Variants in NRXN1 observed in about 807,000 individuals in gnomAD.
NRXN1 encodes the protein neurexin 1.
A neutral mutation model predicts 150.9 loss-of-function variants in NRXN1; 39 were observed. That is an observed-to-expected ratio of 0.26 (90% CI 0.20 to 0.34). NRXN1 has a LOEUF of 0.34. NRXN1 is among the 10% of genes least tolerant of loss of function. The pLI, the probability that NRXN1 is intolerant of heterozygous loss-of-function variation, is 1.00. For missense variants in NRXN1, 1,815 were observed against 1,949.9 expected (o/e 0.93, Z 1.30); for synonymous variants, 924 against 757.0 (o/e 1.22, Z -3.62).
At chr2:50,035,236 G>GT (rs900530680) in intron 21 of NRXN1, among the ~76,000 whole-genome samples, 1 of 152,070 alleles carries the variant, frequency 6.6e-6, no homozygotes, top group East Asian at 1.9e-4. Context: ...TTACATTTTC[G>GT]TATCAGCATT....
intron 5 of NRXN1, among the ~76,000 whole-genome samples, chr2:50,765,401 G>GA (rs1176417347): frequency 1.3e-5 from 2 of 151,966 alleles, no homozygotes; most frequent in Non-Finnish European, 2.9e-5. Context: ...CCCTACAAAA[G>GA]AAAAAAGATC....
At chr2:50,029,636 G>A (rs2152566512) in intron 21 of NRXN1, among the ~76,000 whole-genome samples, 1 of 152,224 alleles carries the variant, frequency 6.6e-6, no homozygotes. Flanking sequence ...GTCTCGAAAT[G>A]AAACCTACTT....
chr2:50,773,988 C>G (rs925246748), intron 5 of NRXN1, among the ~76,000 whole-genome samples: 2 of 152,118 alleles, frequency 1.3e-5, no homozygotes, highest in Admixed American at 6.6e-5. Context: ...AAGCAACCCC[C>G]ACACGACCCG....
intron 17 of NRXN1, among the ~76,000 whole-genome samples, chr2:50,337,474 C>T (rs1235182658): frequency 6.6e-6 from 1 of 152,144 alleles, no homozygotes; most frequent in African/African-American, 2.4e-5. Context: ...CTTAATTTTG[C>T]TGTGCCTCAA....
intron 21 of NRXN1, among the ~76,000 whole-genome samples, chr2:50,012,095 C>T (rs1488117882): frequency 6.6e-6 from 1 of 152,018 alleles, no homozygotes; most frequent in Admixed American, 6.6e-5. Context: ...GATTTTCCCC[C>T]CATCTTCATA....
chr2:50,742,055 T>G (rs545024476), intron 5 of NRXN1, among the ~76,000 whole-genome samples: 2 of 152,070 alleles, frequency 1.3e-5, no homozygotes, highest in South Asian at 2.1e-4. Flanking sequence ...GAAAAGAAAA[T>G]AAAAGAAATA....
intron 17 of NRXN1, among the ~76,000 whole-genome samples, chr2:50,305,402 A>G (rs904492151): frequency 6.6e-6 from 1 of 152,206 alleles, no homozygotes; most frequent in African/African-American, 2.4e-5. Flanking sequence ...AATTTTGTAA[A>G]CATGTTTTTA....
intron 18 of NRXN1, among the ~76,000 whole-genome samples, chr2:50,132,297 C>G (rs1237973009): frequency 7.2e-6 from 1 of 138,848 alleles, no homozygotes; most frequent in Non-Finnish European, 1.5e-5. Flanking sequence ...TAGTTTATGT[C>G]CCAAAACTCT....
At chr2:50,360,072 CCA>C (rs1558596343) in intron 17 of NRXN1, among the ~76,000 whole-genome samples, 1 of 152,156 alleles carries the variant, frequency 6.6e-6, no homozygotes, top group African/African-American at 2.4e-5. Context: ...GATTTTGTCA[CCA>C]CCAGGCCTGC....
intron 5 of NRXN1, among the ~76,000 whole-genome samples, chr2:50,651,160 G>A (rs1518535): frequency 1.3e-5 from 2 of 151,810 alleles, no homozygotes; most frequent in East Asian, 1.9e-4. Context: ...CAAATTCTTA[G>A]GCTTATTTTA....
At chr2:51,030,704 AC>A (rs1290639323) in intron 1 of NRXN1, among the ~76,000 whole-genome samples, 2 of 152,026 alleles carry the variant, frequency 1.3e-5, no homozygotes, top group African/African-American at 4.8e-5. Flanking sequence ...CCTATATCAA[AC>A]CCGAGGAAAG....
chr2:49,983,484 CT>C (rs1358946715), intron 21 of NRXN1, among the ~76,000 whole-genome samples: 1 of 151,944 alleles, frequency 6.6e-6, no homozygotes, highest in Non-Finnish European at 1.5e-5. Flanking sequence ...TATTTTTATA[CT>C]TTTAATATTT....
intron 2 of NRXN1, among the ~76,000 whole-genome samples, chr2:50,977,575 T>A (rs1167291932): frequency 1.3e-5 from 2 of 151,870 alleles, no homozygotes; most frequent in East Asian, 3.9e-4. Context: ...TGCAGAATAA[T>A]CTCTCTATTC....
intron 17 of NRXN1, among the ~76,000 whole-genome samples, chr2:50,413,776 C>A (rs10182151): frequency 0.5 from 75,539 of 151,864 alleles, 20,412 homozygotes; most frequent in East Asian, 0.81. Flanking sequence ...ATTTGGGAGC[C>A]ACCTAAGTTT....
At chr2:50,627,165 T>C (rs1681255762) in intron 5 of NRXN1, among the ~76,000 whole-genome samples, 1 of 151,864 alleles carries the variant, frequency 6.6e-6, no homozygotes, top group African/African-American at 2.4e-5. Context: ...TGACCAACTG[T>C]AATAAGTTTC....
At chr2:50,397,780 G>C (rs1442666124) in intron 17 of NRXN1, among the ~76,000 whole-genome samples, 1 of 152,050 alleles carries the variant, frequency 6.6e-6, no homozygotes, top group Admixed American at 6.6e-5. Context: ...ATCTTTAAAA[G>C]CTTCATTACT....
intron 17 of NRXN1, among the ~76,000 whole-genome samples, chr2:50,396,030 G>A (rs1257529976): frequency 6.6e-6 from 1 of 152,100 alleles, no homozygotes; most frequent in Non-Finnish European, 1.5e-5. Flanking sequence ...AAAAGTTATT[G>A]AATTACTAAA....
intron 5 of NRXN1, among the ~76,000 whole-genome samples, chr2:50,850,730 G>C (rs1299649968): frequency 2.2e-5 from 3 of 138,838 alleles, no homozygotes; most frequent in African/African-American, 7.6e-5. Context: ...CAATATCAAA[G>C]ATTAAACTAA....
At chr2:50,711,931 C>T (rs1424931697) in intron 5 of NRXN1, among the ~76,000 whole-genome samples, 1 of 152,088 alleles carries the variant, frequency 6.6e-6, no homozygotes, top group Non-Finnish European at 1.5e-5. Flanking sequence ...ACGCCGGCAC[C>T]TTGATCTTGG....
Sources: allele counts gnomAD v4.1 joint callset (sites outside exome capture counted in the v4.1 genomes callset), GRCh38; gene constraint gnomAD v4.1.1; transcripts MANE v1.5; gene names NCBI Gene and HGNC (gene_info 2026-07-23, HGNC 2026-07-21).